NACC1: variants seen among roughly 807,000 people sequenced by gnomAD.
NACC1 encodes the protein nucleus accumbens associated 1, also known as nucleus accumbens-associated protein 1.
Under a neutral mutation model 41.7 loss-of-function variants are expected in NACC1, and 6 were observed. The ratio of observed to expected loss-of-function variants is 0.14; its 90% confidence interval spans 0.08 to 0.28. The LOEUF (loss-of-function observed/expected upper bound fraction) is 0.28. Among genes scored for constraint, NACC1 ranks in the 10% least tolerant of loss-of-function variants. The pLI is 1.00. For synonymous variants in NACC1, 338 were observed against 330.6 expected (o/e 1.02, Z -0.24); for missense variants, 434 against 763.7 (o/e 0.57, Z 5.09).
intron 1 of NACC1, among the ~76,000 whole-genome samples, chr19:13,123,796 T>G (rs1355983585): frequency 5.3e-5 from 8 of 152,172 alleles, no homozygotes; most frequent in Non-Finnish European, 1.0e-4. Context: ...GCCTCACATT[T>G]TTGCCTGATT....
chr19:13,119,175 G>C (rs1258671758), intron 1 of NACC1, among the ~76,000 whole-genome samples: 1 of 151,526 alleles, frequency 6.6e-6, no homozygotes, highest in African/African-American at 2.4e-5. Context: ...AGGCTAGGGG[G>C]GATGTGGGGG....
chr19:13,118,666 C>A, intron 1 of NACC1, among the ~76,000 whole-genome samples: 1 of 150,780 alleles, frequency 6.6e-6, no homozygotes, highest in Non-Finnish European at 1.5e-5. Context: ...GCGGCAGGAT[C>A]GTACCTGGAC....
rs1245933408 is a variant in NACC1 at position 13,127,400 on chromosome 19, T to TTTTTTTC, written c.-8-7800_-8-7799insTTTTTTC. Among the ~76,000 whole-genome samples, 117 of 100,868 alleles carry TTTTTTTC rather than the reference T, an allele frequency of 1.2e-3. 14 individuals are homozygous for TTTTTTTC. Among genetic ancestry groups the TTTTTTTC allele is most frequent in the African/African-American group, 4.4e-3 (113 of 25,594 alleles). 66.2% of individuals were successfully genotyped at this position (100,868 alleles called of 152,430 possible). A position where few individuals can be genotyped will look rare whatever the true frequency, so the allele number is the denominator to read the frequency against. On this transcript the variant is annotated intron_variant, in intron 1 of 5. Coordinates refer to ENST00000292431, the MANE Select transcript of NACC1 (RefSeq NM_052876.4). ...TTTTTTTTTTTTTTTTTTTTTTTTT[T>TTTTTTTC]CGGTTAACTGGATGGGCCGGGTGCC...
chr19:13,132,712 A>G (rs1283729225), intron 1 of NACC1, among the ~76,000 whole-genome samples: 1 of 152,186 alleles, frequency 6.6e-6, no homozygotes, highest in Non-Finnish European at 1.5e-5. Context: ...CAGCTCAGTA[A>G]GTGAGATGGT....
chr19:13,124,878 A>G (rs2019543627), intron 1 of NACC1, among the ~76,000 whole-genome samples: 1 of 151,390 alleles, frequency 6.6e-6, no homozygotes, highest in Non-Finnish European at 1.5e-5. Context: ...CAGGAGTTCG[A>G]GACCAGCCTG....
At chr19:13,119,514 C>T (rs986934075) in intron 1 of NACC1, among the ~76,000 whole-genome samples, 1 of 152,136 alleles carries the variant, frequency 6.6e-6, no homozygotes, top group Admixed American at 6.6e-5. Flanking sequence ...TGCATTCTTT[C>T]TCTACCTTTT....
Position 13,124,040 on chromosome 19 carries a change from C to T in NACC1, c.-9+5586C>T, listed in dbSNP as rs1290696499. Among the ~76,000 whole-genome samples, 6 of 152,140 alleles carry T rather than the reference C, an allele frequency of 3.9e-5. No homozygotes were observed. In the East Asian group the frequency reaches 1.2e-3, roughly 29 times the overall value. On this transcript the variant is annotated intron_variant, in intron 1 of 5. Transcript: ENST00000292431. ...GGGGACACTGTTACTAATCCTATTC[C>T]ACCATGGATTTAACAATAGTCATTC...
chr19:13,130,956 A>G (rs950624477), intron 1 of NACC1, among the ~76,000 whole-genome samples: 5 of 152,122 alleles, frequency 3.3e-5, no homozygotes, highest in Admixed American at 2.6e-4. Context: ...TCCCTGCTAC[A>G]TCGCCCTTCA....
At position 13,135,316 on chromosome 19, in the gene NACC1, A is replaced by G. The variant is rs780615957; in HGVS notation, c.109A>G (p.Lys37Glu). 6.2e-7 allele frequency: 1 copy of G among 1,613,832 alleles called. No homozygotes were observed. Among genetic ancestry groups the G allele is most frequent in the East Asian group, 2.2e-5 (1 of 44,888 alleles). Residue 37 changes from lysine to glutamate, a missense_variant, in exon 2 of 6, where the codon AAG becomes GAG. Coordinates refer to ENST00000292431, the MANE Select transcript of NACC1 (RefSeq NM_052876.4). The part of the protein sequence containing the change: ...GLYCDVSVVV[K>E]GHAFKAHRAV... ...GTACTGTGACGTGTCAGTGGTGGTC[A>G]AGGGCCATGCCTTCAAGGCCCACCG...
intron 1 of NACC1, among the ~76,000 whole-genome samples, chr19:13,129,451 T>A (rs1231390503): frequency 6.6e-6 from 1 of 150,832 alleles, no homozygotes; most frequent in South Asian, 2.1e-4. Flanking sequence ...TTGGGCCGGA[T>A]TGGGCCAATC....
intron 1 of NACC1, among the ~76,000 whole-genome samples, chr19:13,125,480 G>A (rs1450104686): frequency 1.3e-5 from 2 of 148,188 alleles, no homozygotes; most frequent in African/African-American, 5.0e-5. Context: ...GAGTGCAGTG[G>A]TGCGATCTTG....
chr19:13,119,216 G>A (rs545583002), intron 1 of NACC1, among the ~76,000 whole-genome samples: 1 of 152,172 alleles, frequency 6.6e-6, no homozygotes, highest in South Asian at 2.1e-4. Context: ...TGACCAGAAG[G>A]TATATACTAA....
rs748984953 is a variant in NACC1, at chr19:13,137,296, G to A, written c.1146G>A (p.Ala382=). Residue 382 remains alanine, a synonymous_variant, in exon 4 of 6, where the codon GCG becomes GCA. Coordinates refer to ENST00000292431, the MANE Select transcript of NACC1 (RefSeq NM_052876.4). The surrounding 1 kb of genome is among the most constrained non-coding windows in gnomAD (Gnocchi z 6.1). ...GCACCAACGTGTACATCACAAGGGCGCAGCTGATGAACTGCCACGTCAGCG... is the reference window on the plus strand; with the variant it reads ...GCACCAACGTGTACATCACAAGGGCACAGCTGATGAACTGCCACGTCAGCG... ...VTGTNVYITR[A]QLMNCHVSAG... 42 of 1,613,748 alleles carry A rather than the reference G, an allele frequency of 2.6e-5. No homozygotes were observed. The Admixed American group carries it at 3.2e-4, about 12-fold the overall frequency.
At position 13,129,998 on chromosome 19, in the gene NACC1, TTTTG is replaced by T. The variant is rs372571956; in HGVS notation, c.-8-5189_-8-5186del. ...GCAGTCCTGTGCCCGTTCTGCACTG[TTTTG>T]TTTGTTTGTTTGGTTGGCTGGTTGG... On this transcript the variant is annotated intron_variant, in intron 1 of 5. Transcript: ENST00000292431. Among the ~76,000 whole-genome samples, 103 of 151,924 alleles carry T rather than the reference TTTTG, an allele frequency of 6.8e-4. 1 individual carries two copies. The South Asian group carries it at 0.016, about 23-fold the overall frequency.
At chr19:13,130,041 G>A (rs1487108541) in intron 1 of NACC1, among the ~76,000 whole-genome samples, 2 of 152,026 alleles carry the variant, frequency 1.3e-5, no homozygotes, top group African/African-American at 2.4e-5. Flanking sequence ...GTTGGTTTTG[G>A]TGGGGTAGTG....
intron 1 of NACC1, among the ~76,000 whole-genome samples, chr19:13,130,251 A>G (rs1036281946): frequency 6.6e-6 from 1 of 151,776 alleles, no homozygotes; most frequent in Non-Finnish European, 1.5e-5. Flanking sequence ...TAATTTTAAA[A>G]TTTTTTGTAG....
At chr19:13,119,645 C>T (rs891606035) in intron 1 of NACC1, among the ~76,000 whole-genome samples, 2 of 152,170 alleles carry the variant, frequency 1.3e-5, no homozygotes, top group African/African-American at 4.8e-5. Context: ...TGCCATCTCC[C>T]TGGGGGTGAA....
At chr19:13,134,615 T>A (rs987495197) in intron 1 of NACC1, among the ~76,000 whole-genome samples, 1 of 151,860 alleles carries the variant, frequency 6.6e-6, no homozygotes, top group African/African-American at 2.4e-5. Flanking sequence ...GTGATCCGCC[T>A]GCCTCAGCCT....
rs1244496832 is a variant in NACC1, at chr19:13,140,721, C to T, written c.*2315C>T. ...CAGGGTTGTGCCTTACCCCAGGAGC[C>T]ACCCCTGTACCCCCCTTGCCCTGCC... On this transcript the variant is annotated 3_prime_UTR_variant, in exon 6 of 6. Coordinates refer to ENST00000292431, the MANE Select transcript of NACC1 (RefSeq NM_052876.4). The surrounding 1 kb of genome is among the most constrained non-coding windows in gnomAD (Gnocchi z 4.0). 2.0e-5 allele frequency: 3 copies of T among 152,626 alleles called. No homozygotes were observed. The highest frequency in any genetic ancestry group is 4.8e-5 in the African/African-American group (2 of 41,384). The allele number at this position is 152,626 out of a possible 1,614,324, so 9.5% of individuals were successfully genotyped here.
Sources: gnomAD v4.1 joint callset for allele counts (sites outside exome capture counted in the v4.1 genomes callset) on GRCh38, gnomAD v4.1.1 for gene constraint, Gnocchi (gnomAD v3.1) non-coding constraint, MANE v1.5 for transcripts, NCBI Gene and HGNC (gene_info 2026-07-23, HGNC 2026-07-21) for gene names.